AMPH: variants seen among roughly 807,000 people sequenced by gnomAD.
AMPH encodes amphiphysin, also known as amphiphysin (Stiff-Mann syndrome with breast cancer 128kD autoantigen).
Under a neutral mutation model 99.1 loss-of-function variants are expected in AMPH, and 49 were observed. The ratio of observed to expected loss-of-function variants is 0.49; its 90% CI spans 0.39 to 0.63. The LOEUF (loss-of-function observed/expected upper bound fraction) is 0.63. Among genes scored for constraint, AMPH ranks in the 20% least tolerant of loss-of-function variants. The pLI is 0.00. For missense variants in AMPH, 759 were observed against 863.4 expected (o/e 0.88, Z 1.52); for synonymous variants, 314 against 317.3 (o/e 0.99, Z 0.11).
chr7:38,567,340 G>A (rs547766459), intron 1 of AMPH, among the ~76,000 whole-genome samples: 10 of 152,230 alleles, frequency 6.6e-5, no homozygotes, highest in African/African-American at 2.2e-4. Context: ...GCTGAACAAT[G>A]AGAACACATG....
At chr7:38,587,963 T>A (rs891808522) in intron 1 of AMPH, among the ~76,000 whole-genome samples, 2 of 151,196 alleles carry the variant, frequency 1.3e-5, no homozygotes, top group Non-Finnish European at 2.9e-5. Flanking sequence ...CGTGTGTGTG[T>A]GAGAGAGAGA....
intron 11 of AMPH, among the ~76,000 whole-genome samples, chr7:38,445,643 G>GA (rs2129000778): frequency 6.6e-6 from 1 of 152,180 alleles, no homozygotes; most frequent in East Asian, 1.9e-4. Context: ...ATAAGTACAT[G>GA]AAAAAATACT....
intron 5 of AMPH, among the ~76,000 whole-genome samples, chr7:38,481,773 A>G (rs1470295077): frequency 3.4e-4 from 52 of 152,182 alleles, no homozygotes; most frequent in Non-Finnish European, 5.9e-5. Context: ...GTTGATTTCA[A>G]TAGGAGGCAA....
At chr7:38,393,337 T>C (rs2024408) in intron 18 of AMPH, among the ~76,000 whole-genome samples, 73,544 of 152,026 alleles carry the variant, frequency 0.48, 17,912 homozygotes, top group African/African-American at 0.53. Context: ...CATTAAGCCC[T>C]CTCTTAATGT....
At chr7:38,500,046 C>T (rs1375021555) in intron 3 of AMPH, among the ~76,000 whole-genome samples, 8 of 152,178 alleles carry the variant, frequency 5.3e-5, no homozygotes, top group Non-Finnish European at 1.2e-4. Flanking sequence ...GGGGGCATGA[C>T]TTTATTAGCA....
intron 17 of AMPH, among the ~76,000 whole-genome samples, chr7:38,402,187 C>A (rs1424075440): frequency 6.6e-6 from 1 of 152,088 alleles, no homozygotes; most frequent in Non-Finnish European, 1.5e-5. Flanking sequence ...CTTTTCTTCT[C>A]AATATGGTTG....
chr7:38,451,939 T>C (rs1446242946), intron 11 of AMPH, among the ~76,000 whole-genome samples: 1 of 152,088 alleles, frequency 6.6e-6, no homozygotes, highest in Non-Finnish European at 1.5e-5. Context: ...AACCATTGGG[T>C]CATAACCACG....
chr7:38,438,586 A>T (rs888437258), intron 11 of AMPH, among the ~76,000 whole-genome samples: 10 of 145,788 alleles, frequency 6.9e-5, no homozygotes, highest in Non-Finnish European at 7.8e-5. Context: ...TTTAAGCATA[A>T]TGAATCCCCT....
chr7:38,503,507 T>C (rs879209817), intron 3 of AMPH, 143 bp downstream of exon 3: 6 of 443,516 alleles, frequency 1.4e-5, no homozygotes, highest in Admixed American at 4.4e-5. Flanking sequence ...GGGGGGTGGG[T>C]GGTGGAATGG....
chr7:38,418,321 GAGAGACAGAGAT>G (rs1005190907), intron 16 of AMPH, among the ~76,000 whole-genome samples: 4 of 152,090 alleles, frequency 2.6e-5, no homozygotes, highest in African/African-American at 9.7e-5. Context: ...GAGAGAGAGA[GAGAGACAGAGAT>G]AGAGACAGAG....
chr7:38,556,284 G>A (rs576800642), intron 1 of AMPH, among the ~76,000 whole-genome samples: 1 of 152,180 alleles, frequency 6.6e-6, no homozygotes, highest in East Asian at 1.9e-4. Flanking sequence ...GAAAATACTA[G>A]CCGAAGCACT....
At chr7:38,393,607 C>G (rs1028363587) in intron 18 of AMPH, among the ~76,000 whole-genome samples, 3 of 152,000 alleles carry the variant, frequency 2.0e-5, no homozygotes, top group Admixed American at 6.6e-5. Context: ...TAATAACCAC[C>G]AAACAGTAAT....
intron 7 of AMPH, among the ~76,000 whole-genome samples, chr7:38,473,452 C>T (rs1167503359): frequency 9.1e-5 from 6 of 66,124 alleles, no homozygotes; most frequent in Non-Finnish European, 1.4e-4. Flanking sequence ...CGCCTGTAAT[C>T]CCAGCACTTT....
chr7:38,487,144 T>C (rs1428752793), intron 5 of AMPH, among the ~76,000 whole-genome samples: 1 of 152,086 alleles, frequency 6.6e-6, no homozygotes, highest in African/African-American at 2.4e-5. Context: ...TATGAGGTTC[T>C]ACATGGAAAA....
At chr7:38,547,134 T>C (rs1268894927) in intron 1 of AMPH, among the ~76,000 whole-genome samples, 1 of 152,130 alleles carries the variant, frequency 6.6e-6, no homozygotes, top group Non-Finnish European at 1.5e-5. Context: ...CCTCTCCATA[T>C]GCTTTGATAA....
At chr7:38,580,102 C>A (rs955100279) in intron 1 of AMPH, among the ~76,000 whole-genome samples, 1 of 152,218 alleles carries the variant, frequency 6.6e-6, no homozygotes, top group East Asian at 1.9e-4. Flanking sequence ...AAATAAAATA[C>A]CCTCCTAGAT....
At chr7:38,407,315 A>C (rs1177974358) in intron 17 of AMPH, among the ~76,000 whole-genome samples, 1 of 128,868 alleles carries the variant, frequency 7.8e-6, no homozygotes, top group Non-Finnish European at 1.7e-5. Flanking sequence ...AGACAGAGAG[A>C]GAGGAATCTA....
At chr7:38,564,641 C>A (rs546297341) in intron 1 of AMPH, among the ~76,000 whole-genome samples, 1 of 152,304 alleles carries the variant, frequency 6.6e-6, no homozygotes, top group African/African-American at 2.4e-5. Context: ...ATTCAGCTCA[C>A]TCCTATTACC....
chr7:38,496,726 C>T (rs1336131947), intron 3 of AMPH, among the ~76,000 whole-genome samples: 1 of 152,126 alleles, frequency 6.6e-6, no homozygotes, highest in African/African-American at 2.4e-5. Context: ...AAATATACCC[C>T]TCAAATTCAT....
Sources: gnomAD v4.1 joint callset for allele counts (sites outside exome capture counted in the v4.1 genomes callset) on GRCh38, gnomAD v4.1.1 for gene constraint, MANE v1.5 for transcripts, NCBI Gene and HGNC (gene_info 2026-07-23, HGNC 2026-07-21) for gene names.